Variants in PRIMPOL observed in about 807,000 individuals in gnomAD.
PRIMPOL encodes the protein primase and DNA directed polymerase.
A neutral mutation model predicts 63.6 loss-of-function variants in PRIMPOL; 54 were observed. That is an observed-to-expected ratio of 0.85 (90% CI 0.68 to 1.07). The LOEUF is 1.07. PRIMPOL is among the 50% of genes least tolerant of loss of function. The pLI is 0.00. For missense variants in PRIMPOL, 610 were observed against 648.3 expected (o/e 0.94, Z 0.64); for synonymous variants, 197 against 220.2 (o/e 0.89, Z 0.93).
intron 5 of PRIMPOL, among the ~76,000 whole-genome samples, chr4:184,665,502 CTTT>C (rs780043138): frequency 4.5e-5 from 6 of 133,896 alleles, no homozygotes; most frequent in Non-Finnish European, 3.2e-5. Context: ...GAATTAATGA[CTTT>C]TTTTTTTTTT....
intron 3 of PRIMPOL, 129 bp from the exon 4 acceptor site, chr4:184,659,211 A>C (rs1747551334): frequency 1.5e-6 from 1 of 671,878 alleles, no homozygotes; most frequent in South Asian, 1.8e-5. Context: ...TGTTTTTAAT[A>C]ATACAAATGT....
chr4:184,678,149 T>C (rs1161071583), intron 7 of PRIMPOL, 83 bp from the exon 8 acceptor site: 3 of 747,728 alleles, frequency 4.0e-6, no homozygotes, highest in Admixed American at 3.5e-5. Context: ...TTATTAATGC[T>C]ATATAAAAAC....
chr4:184,664,247 T>G (rs1396249059), intron 5 of PRIMPOL, among the ~76,000 whole-genome samples: 1 of 152,234 alleles, frequency 6.6e-6, no homozygotes. Flanking sequence ...GAAGTCGACT[T>G]CATTCATCAA....
chr4:184,693,355 G>A (rs1400737959), intron 13 of PRIMPOL, among the ~76,000 whole-genome samples: 1 of 151,994 alleles, frequency 6.6e-6, no homozygotes, highest in Non-Finnish European at 1.5e-5. Context: ...TGGTTGCAGT[G>A]GATTTTTAAG....
chr4:184,665,902 T>C lies in PRIMPOL; in HGVS notation c.409-15T>C. 6 of 1,504,422 alleles carry C rather than the reference T, an allele frequency of 4.0e-6. No individual in the cohort carries two copies. Among genetic ancestry groups the C allele is most frequent in the Non-Finnish European group, 4.5e-6 (5 of 1,117,748 alleles). 93.2% of individuals were successfully genotyped at this position (1,504,422 alleles called of 1,614,324 possible). On this transcript the variant is annotated splice_polypyrimidine_tract_variant and intron_variant, in intron 5 of 13. Transcript: ENST00000314970. Reference sequence around the variant, plus strand: ...CAAAAAATATAAATTATTTGCATTTTACTTGTGTTTTTAGTATGTGTGTAA... The same window carrying C: ...CAAAAAATATAAATTATTTGCATTTCACTTGTGTTTTTAGTATGTGTGTAA...
At chr4:184,656,566 G>A (rs922933099) in intron 2 of PRIMPOL, among the ~76,000 whole-genome samples, 1 of 152,180 alleles carries the variant, frequency 6.6e-6, no homozygotes, top group Non-Finnish European at 1.5e-5. Flanking sequence ...TGTTGAGAGA[G>A]AAGAGGAGAC....
At chr4:184,675,952 A>G (rs1043379787) in intron 7 of PRIMPOL, among the ~76,000 whole-genome samples, 2 of 152,190 alleles carry the variant, frequency 1.3e-5, no homozygotes, top group African/African-American at 2.4e-5. Context: ...TTTGAGGAAC[A>G]TAAGTCATTA....
chr4:184,665,181 A>ATG (rs1749506711), intron 5 of PRIMPOL, among the ~76,000 whole-genome samples: 1 of 151,534 alleles, frequency 6.6e-6, no homozygotes, highest in Non-Finnish European at 1.5e-5. Flanking sequence ...AAGCAGTTAC[A>ATG]TGTGCTAAAA....
chr4:184,659,433 T>C lies in PRIMPOL; in HGVS notation c.274T>C (p.Ser92Pro), dbSNP rs1353861242. Residue 92 changes from serine (S) to proline (P), a missense_variant, in exon 4 of 14, where the codon TCC becomes CCC. Transcript: ENST00000314970. ...TYAEFWFYYK[S>P]RKNLLHCYEV... ...TGCTGAATTTTGGTTTTACTATAAA[T>C]CCAGGTAGGTAGCATGCAGCAGAAC... 6.2e-7 allele frequency: 1 copy of C among 1,600,068 alleles called. No homozygotes were observed. The highest frequency in any genetic ancestry group is 8.6e-7 in the Non-Finnish European group (1 of 1,167,384).
chr4:184,692,640 T>C (rs1473385644), intron 13 of PRIMPOL, among the ~76,000 whole-genome samples: 2 of 152,096 alleles, frequency 1.3e-5, no homozygotes, highest in Non-Finnish European at 2.9e-5. Flanking sequence ...TTTGAAGTGA[T>C]AGCACACATA....
rs192122407 is a variant in PRIMPOL, at chr4:184,668,162, C to T, written c.556+2098C>T. ...AGCCCAGATTGTTCTAGACGTCAGA[C>T]CCATCCAGCCAACTGCCTCTAAACA... On this transcript the variant is annotated intron_variant, in intron 6 of 13. Transcript: ENST00000314970. Among the ~76,000 whole-genome samples, 252 of 152,322 alleles carry T rather than the reference C, an allele frequency of 1.7e-3. 2 individuals are homozygous for T. The highest frequency in any genetic ancestry group is 2.2e-3 in the Non-Finnish European group (148 of 68,036).
At chr4:184,656,705 A>G (rs1746566498) in intron 2 of PRIMPOL, among the ~76,000 whole-genome samples, 1 of 152,254 alleles carries the variant, frequency 6.6e-6, no homozygotes, top group Non-Finnish European at 1.5e-5. Flanking sequence ...TAAAATGGTT[A>G]TAGTAAAAAC....
intron 6 of PRIMPOL, among the ~76,000 whole-genome samples, chr4:184,671,310 C>T (rs28582935): frequency 0.018 from 2,734 of 152,194 alleles, 54 homozygotes; most frequent in African/African-American, 0.041. Context: ...GTTTGCAGGG[C>T]GTGTCGTGGC....
chr4:184,662,654 C>T (rs1319790107), intron 5 of PRIMPOL, among the ~76,000 whole-genome samples: 1 of 152,120 alleles, frequency 6.6e-6, no homozygotes, highest in East Asian at 1.9e-4. Context: ...CTGACACTTA[C>T]TGACTAGCTA....
chr4:184,693,530 TC>T (rs1759561695), intron 13 of PRIMPOL, among the ~76,000 whole-genome samples: 1 of 152,114 alleles, frequency 6.6e-6, no homozygotes, highest in Admixed American at 6.5e-5. Context: ...TCCTGCTTCA[TC>T]TTGTTTTTTA....
intron 5 of PRIMPOL, among the ~76,000 whole-genome samples, chr4:184,665,183 G>A (rs1415213566): frequency 2.0e-5 from 3 of 151,400 alleles, no homozygotes; most frequent in South Asian, 4.1e-4. Flanking sequence ...GCAGTTACAT[G>A]TGCTAAAAAT....
At position 184,657,195 on chromosome 4, in the gene PRIMPOL, T is replaced by C; in HGVS notation, c.55T>C (p.Tyr19His). The C allele has an allele frequency of 1.2e-6, 2 of 1,613,100 alleles. No individual in the cohort carries two copies. The highest frequency in any genetic ancestry group is 1.7e-6 in the Non-Finnish European group (2 of 1,179,642). ...GCAAATTGAAGAACGAGCATCTCAT[T>C]ATGAGAGGAAACCGTTGTCCTCAGT... ...LKQIEERASH[Y>H]ERKPLSSVYR... Residue 19 changes from tyrosine (Y) to histidine (H), a missense_variant, in exon 3 of 14, where the codon TAT becomes CAT. By Grantham distance (83) the Tyr-to-His change is moderately conservative. This residue lies in a region of PRIMPOL where 159 missense variants were observed against 168.9 expected (regional missense o/e 0.94). Transcript: ENST00000314970.
rs7696295 is a variant in PRIMPOL at position 184,691,814 on chromosome 4, C to G, written c.1425+102C>G. On this transcript the variant is annotated intron_variant, in intron 13 of 13. Coordinates refer to ENST00000314970, the MANE Select transcript of PRIMPOL (RefSeq NM_152683.4). Reference sequence around the variant, plus strand: ...TCCAAATAGCATTGAAACCCATTTGCTACCTTGTTTTCACTTATGACTGTA... The same window carrying G: ...TCCAAATAGCATTGAAACCCATTTGGTACCTTGTTTTCACTTATGACTGTA... 15,183 of 833,450 alleles carry G rather than the reference C, an allele frequency of 0.018. 1,491 individuals carry two copies. In the African/African-American group the frequency reaches 0.22, roughly 12 times the overall value. The allele number at this position is 833,450 out of a possible 1,614,324, so 51.6% of individuals were successfully genotyped here. A position where few individuals can be genotyped will look rare whatever the true frequency, so the allele number is the denominator to read the frequency against.
At chr4:184,692,471 C>CAAAAAAAAAAAAAAAAAAAAA (rs60321808) in intron 13 of PRIMPOL, among the ~76,000 whole-genome samples, 5 of 73,802 alleles carry the variant, frequency 6.8e-5, no homozygotes, top group African/African-American at 1.2e-4. Context: ...GACTCTGCCT[C>CAAAAAAAAAAAAAAAAAAAAA]AAAAAAAAAA....
Sources: allele counts gnomAD v4.1 joint callset (sites outside exome capture counted in the v4.1 genomes callset), GRCh38; gene constraint gnomAD v4.1.1; regional missense constraint gnomAD v4.1.1; transcripts MANE v1.5; gene names NCBI Gene and HGNC (gene_info 2026-07-23, HGNC 2026-07-21).